Variants in DEF6 observed in about 807,000 individuals in gnomAD.
The protein encoded by DEF6 is DEF6 guanine nucleotide exchange factor.
DEF6 carries 32 observed loss-of-function variants against 80.5 expected under a neutral mutation model. That is an observed-to-expected ratio of 0.40 (90% CI 0.30 to 0.53). The LOEUF (loss-of-function observed/expected upper bound fraction) is 0.53, where lower values mean the gene tolerates loss of function less well. Ranked by LOEUF, DEF6 falls within the 20% of genes least tolerant of loss-of-function variation. The pLI is 0.57. For missense variants in DEF6, 575 were observed against 818.7 expected, an observed-to-expected ratio of 0.70 and a Z score of 3.63; for synonymous variants, 300 against 337.9, an observed-to-expected ratio of 0.89 and a Z score of 1.23.
intron 5 of DEF6, chr6:35,317,626 C>G (rs1271909378): frequency 2.5e-6 from 1 of 393,734 alleles, no homozygotes; most frequent in Non-Finnish European, 4.6e-6. Context: ...TGCATAAACA[C>G]TGAGTGGCGA....
intron 9 of DEF6, 80 bp from the exon 10 acceptor site, chr6:35,320,804 A>G: frequency 1.6e-6 from 2 of 1,287,026 alleles, no homozygotes; most frequent in South Asian, 1.3e-5. Context: ...GATTTTAAGC[A>G]GCCTGCGAAC....
intron 2 of DEF6, 142 bp from the exon 3 acceptor site, chr6:35,310,317 G>A (rs1008137305): frequency 4.7e-5 from 38 of 810,866 alleles, no homozygotes; most frequent in Admixed American, 2.6e-4. Context: ...CTGGTAATCA[G>A]CTCAGGGATC....
Position 35,312,310 on chromosome 6 carries a change from C to T in DEF6, c.432C>T (p.Tyr144=). The change falls in exon 4 of 11, where the codon TAC becomes TAT. Residue 144 remains tyrosine, a synonymous_variant. Coordinates refer to ENST00000316637, the MANE Select transcript of DEF6 (RefSeq NM_022047.4). The surrounding 1 kb of genome is among the most constrained non-coding windows in gnomAD (Gnocchi z 6.6). ...PLIMVPDEVE[Y]LLKKVLSSMS... ...TCCTTCTCCTGCTCCAGGTGGAATA[C>T]CTGCTGAAAAAGGTACTCAGCAGCA... The T allele has an allele frequency of 6.2e-7, 1 of 1,613,748 alleles. No homozygotes were observed. Among genetic ancestry groups the T allele is most frequent in the East Asian group, 2.2e-5 (1 of 44,880 alleles).
chr6:35,312,328 C>T lies in DEF6; in HGVS notation c.450C>T (p.Leu150=). The change falls in exon 4 of 11, where the codon CTC becomes CTT. Residue 150 remains leucine (L), a synonymous_variant. Coordinates refer to ENST00000316637, the MANE Select transcript of DEF6 (RefSeq NM_022047.4). The surrounding 1 kb of genome is among the most constrained non-coding windows in gnomAD (Gnocchi z 6.6). The part of the protein sequence containing the change: ...DEVEYLLKKV[L]SSMSLEVSLG... ...TGGAATACCTGCTGAAAAAGGTACT[C>T]AGCAGCATGAGCTTGGAGGTGAGCT... 1.9e-6 allele frequency: 3 copies of T among 1,614,136 alleles called. No individual in the cohort carries two copies. Among genetic ancestry groups the T allele is most frequent in the Non-Finnish European group, 2.5e-6 (3 of 1,180,016 alleles).
Position 35,318,598 on chromosome 6 carries a change from A to T in DEF6, c.1215+127A>T. On this transcript the variant is annotated intron_variant, in intron 7 of 10. Coordinates refer to ENST00000316637, the MANE Select transcript of DEF6 (RefSeq NM_022047.4). The surrounding 1 kb of genome is among the most constrained non-coding windows in gnomAD (Gnocchi z 5.1). ...GGTTGAGGGGCGTGCACTGGGGTGG[A>T]GCTTGAAATGAGGGATTGTTGGGAC... 1.1e-6 allele frequency: 1 copy of T among 904,342 alleles called. No homozygotes were observed. Among genetic ancestry groups the T allele is most frequent in the South Asian group, 3.0e-5 (1 of 32,936 alleles). The allele number at this position is 904,342 out of a possible 1,614,324, so 56.0% of individuals were successfully genotyped here.
chr6:35,299,593 C>T (rs946440771), intron 1 of DEF6, among the ~76,000 whole-genome samples: 1 of 152,178 alleles, frequency 6.6e-6, no homozygotes, highest in Non-Finnish European at 1.5e-5. Context: ...CCACAGGTTG[C>T]GTATTTCTAG....
chr6:35,300,354 G>A (rs1475616399), intron 1 of DEF6, among the ~76,000 whole-genome samples: 1 of 152,106 alleles, frequency 6.6e-6, no homozygotes, highest in Non-Finnish European at 1.5e-5. Flanking sequence ...CTAGCGTTAG[G>A]GTCCTGGGTT....
At position 35,318,648 on chromosome 6, in the gene DEF6, AT is replaced by A. The variant is rs1386719703; in HGVS notation, c.1215+180del. Among the ~76,000 whole-genome samples, 1 of 151,784 alleles carries A rather than the reference AT, an allele frequency of 6.6e-6. No individual in the cohort carries two copies. Among genetic ancestry groups the A allele is most frequent in the Non-Finnish European group, 1.5e-5 (1 of 67,932 alleles). The stretch of plus-strand genomic sequence containing the variant: ...CAGAGTCCGCGGGTTTGAAAAAGAG[AT>A]TTGGGATGGGGCTTCCGCCAGGGAC... On this transcript the variant is annotated intron_variant, in intron 7 of 10. Transcript: ENST00000316637. This position sits in a 1 kb window ranked among gnomAD's most constrained non-coding sequence, Gnocchi z 5.1.
At chr6:35,309,578 G>A (rs552331691) in intron 1 of DEF6, 92 bp from the exon 2 acceptor site, 1 of 1,463,028 alleles carries the variant, frequency 6.8e-7, no homozygotes, top group African/African-American at 1.4e-5. Flanking sequence ...AGCCAGGATG[G>A]GGTGAGGACA....
chr6:35,311,691 C>A (rs1460293563), intron 3 of DEF6, among the ~76,000 whole-genome samples: 1 of 152,198 alleles, frequency 6.6e-6, no homozygotes, highest in African/African-American at 2.4e-5. Flanking sequence ...GGATGTACCC[C>A]AGCCACCACT....
chr6:35,303,001 C>G (rs1167962411), intron 1 of DEF6, among the ~76,000 whole-genome samples: 1 of 152,212 alleles, frequency 6.6e-6, no homozygotes, highest in Non-Finnish European at 1.5e-5. Context: ...CACAACTCCT[C>G]TGTCACTGCC....
At position 35,312,728 on chromosome 6, in the gene DEF6, G is replaced by A; in HGVS notation, c.763G>A (p.Glu255Lys). 5 of 1,613,230 alleles carry A rather than the reference G, an allele frequency of 3.1e-6. No individual in the cohort carries two copies. Among genetic ancestry groups the A allele is most frequent in the Non-Finnish European group, 4.2e-6 (5 of 1,179,668 alleles). Residue 255 changes from glutamate (E) to lysine (K), a missense_variant, in exon 5 of 11, where the codon GAG becomes AAG. Physicochemically the swap from Glu to Lys is moderately conservative, Grantham distance 56 (BLOSUM62 1). Transcript: ENST00000316637. This position sits in a 1 kb window ranked among gnomAD's most constrained non-coding sequence, Gnocchi z 6.6. ...CTACTTTGGGAGTGAAGAGTGCAAA[G>A]AGAAAAGGGGCATTATCCCGCTGGA... ...LCYFGSEECK[E>K]KRGIIPLDAH...
In DEF6 at chr6:35,319,412, T is replaced by C; in HGVS notation, c.1216-112T>C. ...ATCAGGAAACCCCAACATGAAGGAG[T>C]TCCCCAGACCCTCACCCCTAGGCAG... On this transcript the variant is annotated intron_variant, in intron 7 of 10. Coordinates refer to ENST00000316637, the MANE Select transcript of DEF6 (RefSeq NM_022047.4). The surrounding 1 kb of genome is among the most constrained non-coding windows in gnomAD (Gnocchi z 4.5). 1 of 732,300 alleles carries C rather than the reference T, an allele frequency of 1.4e-6. No individual in the cohort carries two copies. Among genetic ancestry groups the C allele is most frequent in the Non-Finnish European group, 2.2e-6 (1 of 449,750 alleles). The allele number at this position is 732,300 out of a possible 1,614,324, so 45.4% of individuals were successfully genotyped here. A position where few individuals can be genotyped will look rare whatever the true frequency, so the allele number is the denominator to read the frequency against.
At chr6:35,304,480 C>T (rs1443861120) in intron 1 of DEF6, among the ~76,000 whole-genome samples, 1 of 152,210 alleles carries the variant, frequency 6.6e-6, no homozygotes, top group African/African-American at 2.4e-5. Context: ...TGCAAAGGCC[C>T]TTGGGCAAGA....
At position 35,318,481 on chromosome 6, in the gene DEF6, G is replaced by A. The variant is rs1791549593; in HGVS notation, c.1215+10G>A. 9 of 1,389,378 alleles carry A rather than the reference G, an allele frequency of 6.5e-6. No individual in the cohort carries two copies. The highest frequency in any genetic ancestry group is 3.5e-5 in the Admixed American group (1 of 28,298). The allele number at this position is 1,389,378 out of a possible 1,614,324, so 86.1% of individuals were successfully genotyped here. A position where few individuals can be genotyped will look rare whatever the true frequency, so the allele number is the denominator to read the frequency against. ...GCGCGAGGCGGAGCAGGTGGGGTTAGCTCCCGGCGCCGGGGACGGGACCGG... is the reference window on the plus strand; with the variant it reads ...GCGCGAGGCGGAGCAGGTGGGGTTAACTCCCGGCGCCGGGGACGGGACCGG... On this transcript the variant is annotated intron_variant, in intron 7 of 10. Coordinates refer to ENST00000316637, the MANE Select transcript of DEF6 (RefSeq NM_022047.4). This position sits in a 1 kb window ranked among gnomAD's most constrained non-coding sequence, Gnocchi z 5.1.
intron 1 of DEF6, among the ~76,000 whole-genome samples, chr6:35,307,638 AC>A (rs1169418698): frequency 6.6e-6 from 1 of 152,162 alleles, no homozygotes; most frequent in African/African-American, 2.4e-5. Flanking sequence ...TAGTGATAAA[AC>A]CAAACTCAAA....
intron 1 of DEF6, 119 bp from the exon 2 acceptor site, chr6:35,309,551 G>T: frequency 9.0e-7 from 1 of 1,112,092 alleles, no homozygotes; most frequent in Non-Finnish European, 1.3e-6. Flanking sequence ...GAACTGAACA[G>T]TGTGTGTAGA....
In DEF6 at chr6:35,318,646, A is replaced by C. The variant is rs992094647; in HGVS notation, c.1215+175A>C. Among the ~76,000 whole-genome samples, 2 of 151,760 alleles carry C rather than the reference A, an allele frequency of 1.3e-5. No homozygotes were observed. The highest frequency in any genetic ancestry group is 4.8e-5 in the African/African-American group (2 of 41,254). On this transcript the variant is annotated intron_variant, in intron 7 of 10. Coordinates refer to ENST00000316637, the MANE Select transcript of DEF6 (RefSeq NM_022047.4). This position sits in a 1 kb window ranked among gnomAD's most constrained non-coding sequence, Gnocchi z 5.1. ...GACAGAGTCCGCGGGTTTGAAAAAG[A>C]GATTTGGGATGGGGCTTCCGCCAGG...
At chr6:35,314,925 C>A (rs1791507525) in intron 5 of DEF6, among the ~76,000 whole-genome samples, 1 of 152,072 alleles carries the variant, frequency 6.6e-6, no homozygotes, top group South Asian at 2.1e-4. Flanking sequence ...AATGTTTAAT[C>A]CATTTTTATT....
Sources: gnomAD v4.1 joint callset for allele counts (sites outside exome capture counted in the v4.1 genomes callset) on GRCh38, gnomAD v4.1.1 for gene constraint, Gnocchi (gnomAD v3.1) non-coding constraint, MANE v1.5 for transcripts, NCBI Gene and HGNC (gene_info 2026-07-23, HGNC 2026-07-21) for gene names.